SLC2A5: variants seen among roughly 807,000 people sequenced by gnomAD.
SLC2A5 encodes the protein solute carrier family 2, facilitated glucose transporter member 5.
Under a neutral mutation model 50.3 loss-of-function variants are expected in SLC2A5, and 56 were observed. The ratio of observed to expected loss-of-function variants is 1.11; its 90% CI spans 0.90 to 1.39. The LOEUF (loss-of-function observed/expected upper bound fraction) is 1.39, where lower values mean the gene tolerates loss of function less well. Among genes scored for constraint, SLC2A5 ranks in the 40% most tolerant of loss-of-function variants. The probability of loss-of-function intolerance (pLI) is 0.00; values close to 1 mark genes in which losing one functional copy is unlikely to be tolerated. For synonymous variants in SLC2A5, 269 were observed against 281.9 expected (o/e 0.95, Z 0.46); for missense variants, 566 against 650.1 (o/e 0.87, Z 1.41).
At position 9,068,189 on chromosome 1, in the gene SLC2A5, C is replaced by CAAAAAAAAAAAAAAAAA. The variant is rs755203801; in HGVS notation, c.33+1298_33+1314dup. 2.2e-3 allele frequency among the ~76,000 whole-genome samples: 167 copies of CAAAAAAAAAAAAAAAAA among 77,058 alleles called. 4 individuals are homozygous for CAAAAAAAAAAAAAAAAA. Among genetic ancestry groups the CAAAAAAAAAAAAAAAAA allele is most frequent in the African/African-American group, 7.6e-3 (156 of 20,470 alleles). The allele number at this position is 77,058 out of a possible 152,430, so 50.6% of individuals were successfully genotyped here. A position where few individuals can be genotyped will look rare whatever the true frequency, so the allele number is the denominator to read the frequency against. On this transcript the variant is annotated intron_variant, in intron 1 of 11. Transcript: ENST00000377424. ...TGGGTGACAGAGCAAGACTCTGTGT[C>CAAAAAAAAAAAAAAAAA]AAAAAAAAAAAAAAAAAAAAGCGAG...
At chr1:9,038,735 C>T (rs1569833931) in intron 9 of SLC2A5, 93 bp downstream of exon 9, 1 of 1,477,018 alleles carries the variant, frequency 6.8e-7, no homozygotes, top group Non-Finnish European at 9.0e-7. Context: ...ATTGTGACCC[C>T]TTTTATTTTA....
At chr1:9,081,341 T>A (rs1242036447) in intron 2 of SLC2A5, among the ~76,000 whole-genome samples, 6 of 134,198 alleles carry the variant, frequency 4.5e-5, no homozygotes, top group Non-Finnish European at 9.6e-5. Context: ...AAAGACATTA[T>A]CAAGAAAGTA....
chr1:9,053,471 T>TTTATATATA (rs1641671593), intron 3 of SLC2A5, among the ~76,000 whole-genome samples: 1 of 31,434 alleles, frequency 3.2e-5, no homozygotes, highest in Non-Finnish European at 6.0e-5. Flanking sequence ...ATTATATATA[T>TTTATATATA]TTATATATAT....
chr1:9,088,464 C>G (rs549102734), upstream of SLC2A5: 1 of 152,384 alleles, frequency 6.6e-6, no homozygotes, highest in Admixed American at 6.5e-5. Flanking sequence ...CACTCTCCCC[C>G]ACATTCTTCA....
chr1:9,040,074 G>A lies in SLC2A5; in HGVS notation c.687C>T (p.Ala229=). ...CAGAGCCCTCGTTACCTTTCTTGGC[G>A]GCCGCTTCGTCTTTCTTCTGAATCA... ...YLLIQKKDEA[A]AKKALQTLRG... The change falls in exon 6 of 12, where the codon GCC becomes GCT. Residue 229 remains alanine (A), a synonymous_variant. Transcript: ENST00000377424. This position sits in a 1 kb window ranked among gnomAD's most constrained non-coding sequence, Gnocchi z 4.3. The A allele has an allele frequency of 3.1e-6, 5 of 1,587,314 alleles. No homozygotes were observed. Among genetic ancestry groups the A allele is most frequent in the Non-Finnish European group, 4.3e-6 (5 of 1,164,602 alleles).
intron 4 of SLC2A5, among the ~76,000 whole-genome samples, chr1:9,046,584 A>G (rs1159671102): frequency 6.6e-6 from 1 of 152,090 alleles, no homozygotes; most frequent in Non-Finnish European, 1.5e-5. Context: ...GAATTCATAC[A>G]TTAGATTGTT....
At chr1:9,086,254 G>A (rs1464339782) in intron 1 of SLC2A5, among the ~76,000 whole-genome samples, 1 of 152,170 alleles carries the variant, frequency 6.6e-6, no homozygotes, top group Non-Finnish European at 1.5e-5. Flanking sequence ...AAAGTCAATT[G>A]ACTGAAACCA....
chr1:9,058,144 T>C lies in SLC2A5; in HGVS notation c.132+8A>G, dbSNP rs1284240519. Reference sequence around the variant, plus strand: ...CCTCCCCACATCTTGCTCACCACAGTGACCTACCAGTGCTGGGGAGTTGAC... The same window carrying C: ...CCTCCCCACATCTTGCTCACCACAGCGACCTACCAGTGCTGGGGAGTTGAC... On this transcript the variant is annotated splice_region_variant and intron_variant, in intron 2 of 11. Coordinates refer to ENST00000377424, the MANE Select transcript of SLC2A5 (RefSeq NM_003039.3). 2.5e-6 allele frequency: 4 copies of C among 1,604,240 alleles called. No individual in the cohort carries two copies. The highest frequency in any genetic ancestry group is 1.7e-5 in the Admixed American group (1 of 60,010).
At position 9,039,846 on chromosome 1, in the gene SLC2A5, G is replaced by A. The variant is rs1337133463; in HGVS notation, c.839C>T (p.Ser280Phe). The A allele has an allele frequency of 6.2e-7, 1 of 1,610,286 alleles. No individual in the cohort carries two copies. Among genetic ancestry groups the A allele is most frequent in the Non-Finnish European group, 8.5e-7 (1 of 1,178,870 alleles). The change falls in exon 7 of 12, where the codon TCC (serine) becomes TTC (phenylalanine). Residue 280 changes from serine (S) to phenylalanine (F), a missense_variant. Transcript: ENST00000377424. ...CTGGCCGCCCATGAGGACGATGATG[G>A]ACAGCAGCTGCCAGCGCAGCGAGCG... ...RMRSLRWQLL[S>F]IIVLMGGQQL...
In SLC2A5 at chr1:9,065,465, C is replaced by G. The variant is rs1426189184; in HGVS notation, c.33+4039G>C. On this transcript the variant is annotated intron_variant, in intron 1 of 11. Transcript: ENST00000377424. The stretch of plus-strand genomic sequence containing the variant: ...GAATCTGCAGTCAGAATGCAAACAC[C>G]CCGGAGTAGTTAGCGCTCATGGAGG... Among the ~76,000 whole-genome samples, 4 of 152,144 alleles carry G rather than the reference C, an allele frequency of 2.6e-5. No individual in the cohort carries two copies. The East Asian group carries it at 7.7e-4, about 29-fold the overall frequency.
At chr1:9,052,678 T>C (rs538991826) in intron 3 of SLC2A5, among the ~76,000 whole-genome samples, 1 of 152,306 alleles carries the variant, frequency 6.6e-6, no homozygotes, top group East Asian at 1.9e-4. Context: ...GAAGTCTCTA[T>C]AGCCTCTTCT....
chr1:9,038,165 G>A (rs1323109195), intron 10 of SLC2A5, 141 bp from the exon 11 acceptor site: 6 of 996,394 alleles, frequency 6.0e-6, no homozygotes, highest in Non-Finnish European at 8.8e-6. Flanking sequence ...GCACGTAGGG[G>A]GCAAACGGCA....
intron 3 of SLC2A5, among the ~76,000 whole-genome samples, chr1:9,057,049 T>G (rs1641772605): frequency 6.6e-6 from 1 of 152,070 alleles, no homozygotes. Context: ...CCCAGCACTC[T>G]GGGGGGCTGA....
chr1:9,047,557 T>C, intron 4 of SLC2A5, 53 bp downstream of exon 4: 1 of 1,593,046 alleles, frequency 6.3e-7, no homozygotes, highest in South Asian at 1.1e-5. Flanking sequence ...GAACCTGTTG[T>C]CCTCCTCCTT....
upstream of SLC2A5, among the ~76,000 whole-genome samples, chr1:9,093,187 G>T (rs1642478439): frequency 6.6e-6 from 1 of 152,050 alleles, no homozygotes; most frequent in East Asian, 1.9e-4. Flanking sequence ...TCTAGTAAAA[G>T]ATCTCAGCCC....
upstream of SLC2A5, among the ~76,000 whole-genome samples, chr1:9,073,966 C>G (rs6686195): frequency 0.47 from 71,559 of 151,772 alleles, 17,264 homozygotes; most frequent in East Asian, 0.69. Context: ...CGTAACCCCA[C>G]CTACTCAGGA....
intron 1 of SLC2A5, 134 bp downstream of exon 1, chr1:9,069,370 T>C (rs1569909310): frequency 1.1e-6 from 1 of 879,484 alleles, no homozygotes; most frequent in Non-Finnish European, 1.8e-6. Context: ...TTTCCCCCTC[T>C]CCCCACCATA....
At chr1:9,093,967 C>T in the SLC2A5 span, among the ~76,000 whole-genome samples, 39 of 152,144 alleles carry the variant, frequency 2.6e-4, no homozygotes, top group Non-Finnish European at 4.4e-4. Flanking sequence ...TATTTCAAAC[C>T]GATTACAACT....
At chr1:9,066,020 C>A (rs1452082418) in intron 1 of SLC2A5, among the ~76,000 whole-genome samples, 2 of 152,022 alleles carry the variant, frequency 1.3e-5, no homozygotes, top group Admixed American at 1.3e-4. Context: ...ACACTTAGGA[C>A]CATGCCTGGT....
Sources: allele counts gnomAD v4.1 joint callset (sites outside exome capture counted in the v4.1 genomes callset), GRCh38; gene constraint gnomAD v4.1.1; non-coding constraint Gnocchi (gnomAD v3.1); transcripts MANE v1.5; gene names NCBI Gene and HGNC (gene_info 2026-07-23, HGNC 2026-07-21).